Variants in PLAG1 observed in about 807,000 individuals in gnomAD.
PLAG1 encodes the protein PLAG1 zinc finger.
Under a neutral mutation model 35.5 loss-of-function variants are expected in PLAG1, and 7 were observed. The ratio of observed to expected loss-of-function variants is 0.20; its 90% CI spans 0.11 to 0.37. The LOEUF is 0.37. PLAG1 is among the 10% of genes least tolerant of loss of function. The probability of loss-of-function intolerance (pLI) is 1.00; values close to 1 mark genes in which losing one functional copy is unlikely to be tolerated. For missense variants in PLAG1, 454 were observed against 602.8 expected, an observed-to-expected ratio of 0.75 and a Z score of 2.58; for synonymous variants, 229 against 225.4, an observed-to-expected ratio of 1.02 and a Z score of -0.14.
chr8:56,185,776 C>T (rs569289449), intron 1 of PLAG1, among the ~76,000 whole-genome samples: 42 of 152,280 alleles, frequency 2.8e-4, no homozygotes, highest in African/African-American at 7.7e-4. Context: ...CTGAGACCTA[C>T]GGATGATAAA....
rs970812981 is a variant in PLAG1 at position 56,161,193 on chromosome 8, T to C, written c.*5050A>G. 1.5e-5 allele frequency: 3 copies of C among 195,132 alleles called. No individual in the cohort carries two copies. Among genetic ancestry groups the C allele is most frequent in the Admixed American group, 1.2e-4 (2 of 16,438 alleles). 12.1% of individuals were successfully genotyped at this position (195,132 alleles called of 1,614,324 possible). ...TCTATATTTTATACAAATACAACAG[T>C]AGTTTGTGAATACATTTTAAGTACA... On this transcript the variant is annotated 3_prime_UTR_variant, in exon 5 of 5. Coordinates refer to ENST00000316981, the MANE Select transcript of PLAG1 (RefSeq NM_002655.3).
At chr8:56,174,641 T>C (rs1022735950) in intron 2 of PLAG1, among the ~76,000 whole-genome samples, 2 of 152,180 alleles carry the variant, frequency 1.3e-5, no homozygotes, top group Non-Finnish European at 2.9e-5. Context: ...CTTACCAGCA[T>C]CACAATGACC....
rs557237500 is a variant in PLAG1, at chr8:56,165,131, G to A, written c.*1112C>T. On this transcript the variant is annotated 3_prime_UTR_variant, in exon 5 of 5. Transcript: ENST00000316981. ...TCAAATTCAGCAAGAAATGATATAA[G>A]CGATATGCTTTTACTTTACTTCTAA... is the stretch of plus-strand genomic sequence containing the variant. 1.4e-5 allele frequency: 3 copies of A among 209,062 alleles called. No homozygotes were observed. The highest frequency in any genetic ancestry group is 4.5e-5 in the African/African-American group (2 of 44,102). 13.0% of individuals were successfully genotyped at this position (209,062 alleles called of 1,614,324 possible). A position where few individuals can be genotyped will look rare whatever the true frequency, so the allele number is the denominator to read the frequency against.
intron 1 of PLAG1, among the ~76,000 whole-genome samples, chr8:56,184,922 G>A (rs570474948): frequency 4.1e-4 from 63 of 152,258 alleles, no homozygotes; most frequent in African/African-American, 1.4e-3. Context: ...ACTCCAGTCT[G>A]GGTGACAGAG....
At chr8:56,180,868 A>G (rs1019223294) in intron 1 of PLAG1, among the ~76,000 whole-genome samples, 1 of 152,218 alleles carries the variant, frequency 6.6e-6, no homozygotes, top group Non-Finnish European at 1.5e-5. Flanking sequence ...ATTTACAAGA[A>G]AAAACCCAGT....
At chr8:56,192,653 C>T (rs906288379) in intron 1 of PLAG1, among the ~76,000 whole-genome samples, 1 of 152,250 alleles carries the variant, frequency 6.6e-6, no homozygotes, top group African/African-American at 2.4e-5. Flanking sequence ...CATAACACTA[C>T]AGCTATGATA....
In PLAG1 at chr8:56,165,324, C is replaced by G. The variant is rs1289538513; in HGVS notation, c.*919G>C. The G allele has an allele frequency of 4.6e-6, 1 of 215,280 alleles. No individual in the cohort carries two copies. The highest frequency in any genetic ancestry group is 9.4e-6 in the Non-Finnish European group (1 of 106,746). 13.3% of individuals were successfully genotyped at this position (215,280 alleles called of 1,614,324 possible). ...CCTCATGGCTGCAGTTCCACAATGG[C>G]TCTAGATTATGGACTAACCGTGGGC... On this transcript the variant is annotated 3_prime_UTR_variant, in exon 5 of 5. Coordinates refer to ENST00000316981, the MANE Select transcript of PLAG1 (RefSeq NM_002655.3).
chr8:56,193,238 G>C (rs1276837847), intron 1 of PLAG1, among the ~76,000 whole-genome samples: 1 of 152,204 alleles, frequency 6.6e-6, no homozygotes, highest in Non-Finnish European at 1.5e-5. Flanking sequence ...AATGGGTATG[G>C]GTAGGGGACG....
intron 1 of PLAG1, among the ~76,000 whole-genome samples, chr8:56,195,222 A>G (rs1055447923): frequency 2.0e-5 from 3 of 152,216 alleles, no homozygotes; most frequent in African/African-American, 7.2e-5. Flanking sequence ...TGTTTTGCTG[A>G]GAATTTTTTT....
At position 56,182,796 on chromosome 8, in the gene PLAG1, C is replaced by T. The variant is rs530441397; in HGVS notation, c.-321-3283G>A. ...CTAGAGAATGCTTCCATGCTGAGGA[C>T]AAAGAGGCGGGGAAGAAAGTGGGGC... is the stretch of plus-strand genomic sequence containing the variant. On this transcript the variant is annotated intron_variant, in intron 1 of 4. Transcript: ENST00000316981. 2.0e-5 allele frequency among the ~76,000 whole-genome samples: 3 copies of T among 152,166 alleles called. No homozygotes were observed. The South Asian group carries it at 6.2e-4, about 32-fold the overall frequency.
chr8:56,193,761 G>A (rs984533432), intron 1 of PLAG1, among the ~76,000 whole-genome samples: 1 of 145,254 alleles, frequency 6.9e-6, no homozygotes, highest in Non-Finnish European at 1.5e-5. Flanking sequence ...GCAGTGGCAC[G>A]ATCCCGGCTC....
intron 3 of PLAG1, among the ~76,000 whole-genome samples, chr8:56,168,895 G>C (rs1487986138): frequency 2.0e-5 from 3 of 152,152 alleles, no homozygotes; most frequent in Non-Finnish European, 4.4e-5. Context: ...CTGTGGAAGA[G>C]GTACTTCACG....
chr8:56,203,013 AACAG>A (rs1159022022), intron 1 of PLAG1, among the ~76,000 whole-genome samples: 9 of 152,188 alleles, frequency 5.9e-5, no homozygotes, highest in African/African-American at 1.9e-4. Context: ...ATTTAAATAC[AACAG>A]ACATTCAACC....
At chr8:56,174,588 G>A (rs1197091165) in intron 2 of PLAG1, among the ~76,000 whole-genome samples, 1 of 152,158 alleles carries the variant, frequency 6.6e-6, no homozygotes, top group African/African-American at 2.4e-5. Context: ...GGCAGTTAAA[G>A]TAACTGTTGA....
Position 56,166,944 on chromosome 8 carries a change from G to C in PLAG1, c.802C>G (p.Pro268Ala). ...TCACTGGAAGGTAAGGACATCACCG[G>C]AAGGAGCTCGTCTTTTATAGGCACA... Reference protein sequence around the residue: ...VSVPIKDELLPVMSLPSSELL... With the variant: ...VSVPIKDELLAVMSLPSSELL... The change falls in exon 5 of 5, where the codon CCG (proline) becomes GCG (alanine). Residue 268 changes from proline to alanine, a missense_variant. Pro to Ala is a conservative substitution (Grantham distance 27, BLOSUM62 -1). Transcript: ENST00000316981. 2 of 1,614,074 alleles carry C rather than the reference G, an allele frequency of 1.2e-6. No homozygotes were observed. Among genetic ancestry groups the C allele is most frequent in the Non-Finnish European group, 1.7e-6 (2 of 1,179,962 alleles).
intron 2 of PLAG1, among the ~76,000 whole-genome samples, chr8:56,174,749 GATTGA>G (rs1811637666): frequency 2.6e-5 from 4 of 152,168 alleles, no homozygotes; most frequent in Admixed American, 2.6e-4. Context: ...GCCAACCATG[GATTGA>G]AAATATTTTT....
At chr8:56,201,377 A>G (rs779573840) in intron 1 of PLAG1, among the ~76,000 whole-genome samples, 7 of 152,200 alleles carry the variant, frequency 4.6e-5, no homozygotes, top group Non-Finnish European at 8.8e-5. Flanking sequence ...TAATAAAATT[A>G]CCTATTTAAG....
intron 1 of PLAG1, among the ~76,000 whole-genome samples, chr8:56,190,063 C>T (rs955710112): frequency 5.9e-5 from 9 of 152,162 alleles, no homozygotes; most frequent in African/African-American, 1.4e-4. Context: ...GACTAGCTCT[C>T]GGCCTTGGGT....
At chr8:56,205,023 G>A (rs535595444) in intron 1 of PLAG1, among the ~76,000 whole-genome samples, 4 of 151,902 alleles carry the variant, frequency 2.6e-5, no homozygotes, top group South Asian at 4.1e-4. Context: ...TCCTTTAATC[G>A]GCAGCATAGA....
Sources: allele counts gnomAD v4.1 joint callset (sites outside exome capture counted in the v4.1 genomes callset), GRCh38; gene constraint gnomAD v4.1.1; transcripts MANE v1.5; gene names NCBI Gene and HGNC (gene_info 2026-07-23, HGNC 2026-07-21).